The following METTL4 variants were observed in gnomAD, a reference collection of about 807,000 sequenced individuals.
METTL4 encodes methyltransferase 4, N6-adenosine, also known as N(6)-adenine-specific methyltransferase METTL4.
A neutral mutation model predicts 54.0 loss-of-function variants in METTL4; 40 were observed. The ratio of observed to expected loss-of-function variants is 0.74; its 90% CI spans 0.58 to 0.96. The LOEUF (loss-of-function observed/expected upper bound fraction) is 0.96. Among genes scored for constraint, METTL4 ranks in the 50% least tolerant of loss-of-function variants. METTL4 has a pLI of 0.00. For missense variants in METTL4, 525 were observed against 549.0 expected, an observed-to-expected ratio of 0.96 and a Z score of 0.44; for synonymous variants, 169 against 183.8, an observed-to-expected ratio of 0.92 and a Z score of 0.65.
In METTL4 at chr18:2,566,879, T is replaced by C. The variant is rs374981565; in HGVS notation, c.338A>G (p.Glu113Gly). Residue 113 changes from glutamate (E) to glycine (G), a missense_variant, in exon 2 of 9, where the codon GAA (glutamate) becomes GGA (glycine). By Grantham distance (98) the Glu-to-Gly change is moderately conservative (BLOSUM62 -2). Coordinates refer to ENST00000574538, the MANE Select transcript of METTL4 (RefSeq NM_022840.5). ...AACACCATTCATCAGATCTTCCTTT[T>C]CATTACTTTGCTGGCATTCTTTATG... ...AVHKECQQSN[E>G]KEDLMNGVKK... 5 of 1,611,188 alleles carry C rather than the reference T, an allele frequency of 3.1e-6. No homozygotes were observed. The African/African-American group carries it at 6.7e-5, about 22-fold the overall frequency.
At position 2,547,592 on chromosome 18, in the gene METTL4, A is replaced by G. The variant is rs913243383; in HGVS notation, c.900-63T>C. 3 of 1,304,074 alleles carry G rather than the reference A, an allele frequency of 2.3e-6. No individual in the cohort carries two copies. The African/African-American group carries it at 4.5e-5, about 19-fold the overall frequency. 80.8% of individuals were successfully genotyped at this position (1,304,074 alleles called of 1,614,324 possible). A position where few individuals can be genotyped will look rare whatever the true frequency, so the allele number is the denominator to read the frequency against. On this transcript the variant is annotated intron_variant, in intron 5 of 8. Transcript: ENST00000574538. ...TGCAAAAGAAGAAAACTAAGCAGGG[A>G]TAAGACATGCATAACACAGACTCCA...
chr18:2,550,617 T>C (rs1006318229), intron 5 of METTL4, among the ~76,000 whole-genome samples: 1 of 152,212 alleles, frequency 6.6e-6, no homozygotes, highest in Admixed American at 6.5e-5. Flanking sequence ...GTTAAGGTAG[T>C]TTCCAAAGCC....
At chr18:2,553,544 A>G (rs1228407020) in intron 4 of METTL4, 1 of 152,042 alleles carries the variant, frequency 6.6e-6, no homozygotes, top group African/African-American at 2.4e-5. Context: ...TTGGGAGGAG[A>G]TACTTTAAGA....
At chr18:2,548,754 A>T (rs557414842) in intron 5 of METTL4, among the ~76,000 whole-genome samples, 1 of 152,190 alleles carries the variant, frequency 6.6e-6, no homozygotes, top group South Asian at 2.1e-4. Flanking sequence ...TCCTGATTAC[A>T]CTTGCTCTTC....
chr18:2,569,757 A>T (rs1393336605), intron 1 of METTL4, among the ~76,000 whole-genome samples: 1 of 151,770 alleles, frequency 6.6e-6, no homozygotes, highest in Non-Finnish European at 1.5e-5. Flanking sequence ...TCTCTTCCCC[A>T]CCTTTATCAA....
intron 5 of METTL4, among the ~76,000 whole-genome samples, chr18:2,550,720 A>C (rs1317402629): frequency 6.6e-6 from 1 of 152,242 alleles, no homozygotes; most frequent in Admixed American, 6.5e-5. Flanking sequence ...GATACAAATT[A>C]AAATCAGTCA....
chr18:2,550,535 C>T (rs1237946041), intron 5 of METTL4, among the ~76,000 whole-genome samples: 1 of 152,152 alleles, frequency 6.6e-6, no homozygotes, highest in Non-Finnish European at 1.5e-5. Context: ...AAATACATCA[C>T]CCAGAGTTAG....
intron 2 of METTL4, among the ~76,000 whole-genome samples, chr18:2,565,757 T>C (rs1007652795): frequency 5.3e-5 from 8 of 152,084 alleles, no homozygotes; most frequent in Non-Finnish European, 1.2e-4. Context: ...GAGTAATGAA[T>C]GTTAATCCTA....
At chr18:2,564,626 C>T (rs2072374996) in intron 2 of METTL4, among the ~76,000 whole-genome samples, 1 of 152,142 alleles carries the variant, frequency 6.6e-6, no homozygotes, top group South Asian at 2.1e-4. Context: ...CTTTTTATGG[C>T]TGAAACTCCA....
At chr18:2,548,786 T>C (rs2072109614) in intron 5 of METTL4, among the ~76,000 whole-genome samples, 1 of 152,146 alleles carries the variant, frequency 6.6e-6, no homozygotes, top group East Asian at 1.9e-4. Context: ...CCGCCAATCG[T>C]TTCATTGTCT....
chr18:2,539,036 A>C lies in METTL4; in HGVS notation c.1383T>G (p.His461Gln), dbSNP rs781206599. 1 of 1,613,982 alleles carries C rather than the reference A, an allele frequency of 6.2e-7. No homozygotes were observed. Among genetic ancestry groups the C allele is most frequent in the African/African-American group, 1.3e-5 (1 of 75,056 alleles). The change falls in exon 9 of 9, where the codon CAT (histidine) becomes CAG (glutamine). Residue 461 changes from histidine (H) to glutamine (Q), a missense_variant. Physicochemically the swap from His to Gln is conservative, Grantham distance 24 (BLOSUM62 0). Coordinates refer to ENST00000574538, the MANE Select transcript of METTL4 (RefSeq NM_022840.5). ...SWGNEVLKFQ[H>Q]VDYFIAVESG... The stretch of plus-strand genomic sequence containing the variant: ...ACTCCACAGCAATAAAATAATCCAC[A>C]TGCTGAAATTTGAGAACTTCATTGC...
chr18:2,568,516 C>G (rs1254909953), intron 1 of METTL4: 2 of 152,246 alleles, frequency 1.3e-5, no homozygotes, highest in Admixed American at 1.3e-4. Flanking sequence ...CTTTGGGAGG[C>G]CGAGGCGGGC....
chr18:2,558,042 T>C (rs1057440774), intron 3 of METTL4, among the ~76,000 whole-genome samples: 5 of 152,166 alleles, frequency 3.3e-5, no homozygotes, highest in Non-Finnish European at 7.3e-5. Context: ...ACACAGAAGT[T>C]CTGAAAAACA....
intron 1 of METTL4, among the ~76,000 whole-genome samples, chr18:2,570,068 G>C (rs921870608): frequency 6.6e-6 from 1 of 152,218 alleles, no homozygotes; most frequent in Non-Finnish European, 1.5e-5. Flanking sequence ...ACAACTGTAA[G>C]CACACATGAT....
chr18:2,568,790 T>G (rs955774995), intron 1 of METTL4: 1 of 183,244 alleles, frequency 5.5e-6, no homozygotes, highest in Non-Finnish European at 1.2e-5. Flanking sequence ...ATGGCACAGA[T>G]AGCTAGAGTC....
intron 8 of METTL4, among the ~76,000 whole-genome samples, chr18:2,541,745 T>A (rs1412780927): frequency 2.0e-5 from 3 of 148,370 alleles, no homozygotes. Context: ...CAATTAAACT[T>A]AAAAAAAAAA....
At chr18:2,564,601 A>T (rs2072374846) in intron 2 of METTL4, among the ~76,000 whole-genome samples, 1 of 152,250 alleles carries the variant, frequency 6.6e-6, no homozygotes, top group South Asian at 2.1e-4. Context: ...AACAATATAG[A>T]GTAAGGACTT....
intron 2 of METTL4, among the ~76,000 whole-genome samples, chr18:2,565,620 A>T (rs1312884342): frequency 1.3e-5 from 2 of 152,186 alleles, no homozygotes; most frequent in African/African-American, 4.8e-5. Context: ...AATTCTCAAC[A>T]AACTTTCGTA....
At chr18:2,542,316 G>A (rs1042280516) in intron 8 of METTL4, among the ~76,000 whole-genome samples, 4 of 150,240 alleles carry the variant, frequency 2.7e-5, no homozygotes, top group East Asian at 2.0e-4. Flanking sequence ...CTAACTCGTC[G>A]TCTAGCATTA....
Sources: gnomAD v4.1 joint callset for allele counts (sites outside exome capture counted in the v4.1 genomes callset) on GRCh38, gnomAD v4.1.1 for gene constraint, MANE v1.5 for transcripts, NCBI Gene and HGNC (gene_info 2026-07-23, HGNC 2026-07-21) for gene names.